LIMS1: variants seen among roughly 807,000 people sequenced by gnomAD.
The protein encoded by LIMS1 is LIM and senescent cell antigen-like-containing domain protein 1.
In LIMS1, 18 loss-of-function variants were observed where a neutral mutation model predicts 44.1. That is an observed-to-expected ratio of 0.41 (90% CI 0.28 to 0.61). LIMS1 has a LOEUF of 0.61. Among genes scored for constraint, LIMS1 ranks in the 20% least tolerant of loss-of-function variants. LIMS1 has a pLI of 0.32. For missense variants in LIMS1, 201 were observed against 422.0 expected, an observed-to-expected ratio of 0.48 and a Z score of 4.59; for synonymous variants, 93 against 149.1, an observed-to-expected ratio of 0.62 and a Z score of 2.74.
At chr2:108,675,356 T>C (rs1253960643) in intron 5 of LIMS1, among the ~76,000 whole-genome samples, 9 of 152,064 alleles carry the variant, frequency 5.9e-5, no homozygotes, top group Non-Finnish European at 4.4e-5. Flanking sequence ...GGAAGGAGGC[T>C]GAACTCGTCC....
At chr2:108,545,225 A>G (rs1349488546) in intron 1 of LIMS1, among the ~76,000 whole-genome samples, 1 of 152,154 alleles carries the variant, frequency 6.6e-6, no homozygotes, top group Admixed American at 6.5e-5. Flanking sequence ...TTACCAGCTT[A>G]TATCCTCAGG....
At chr2:108,567,675 G>T (rs1037919550) in intron 1 of LIMS1, among the ~76,000 whole-genome samples, 1 of 152,090 alleles carries the variant, frequency 6.6e-6, no homozygotes, top group African/African-American at 2.4e-5. Context: ...GGGTTCAAGC[G>T]ATTCTCCTGC....
intron 2 of LIMS1, among the ~76,000 whole-genome samples, chr2:108,661,516 T>A (rs1691368334): frequency 1.3e-5 from 2 of 152,078 alleles, no homozygotes; most frequent in East Asian, 3.9e-4. Flanking sequence ...GAGAGGCCAA[T>A]GTACCACAGC....
At chr2:108,625,594 A>T (rs972554855) in intron 1 of LIMS1, among the ~76,000 whole-genome samples, 4 of 145,698 alleles carry the variant, frequency 2.7e-5, no homozygotes, top group Non-Finnish European at 6.1e-5. Flanking sequence ...CCCCAAAAAA[A>T]TGCAGTTTGA....
chr2:108,650,312 CAT>C (rs1490557632), intron 1 of LIMS1, among the ~76,000 whole-genome samples: 5 of 152,258 alleles, frequency 3.3e-5, no homozygotes, highest in South Asian at 2.1e-4. Context: ...GAAAAAATAA[CAT>C]ATTTCTTTTA....
intron 5 of LIMS1, among the ~76,000 whole-genome samples, chr2:108,675,321 G>A (rs1692459082): frequency 6.6e-6 from 1 of 151,842 alleles, no homozygotes; most frequent in Non-Finnish European, 1.5e-5. Context: ...CATGGTGGGG[G>A]AAGAGGAGGG....
chr2:108,565,856 G>C (rs180934624), intron 1 of LIMS1, among the ~76,000 whole-genome samples: 186 of 152,280 alleles, frequency 1.2e-3, no homozygotes, highest in African/African-American at 4.4e-3. Context: ...ATGACAGGAG[G>C]TGACAAAAGG....
intron 1 of LIMS1, among the ~76,000 whole-genome samples, chr2:108,569,554 T>C (rs1479532353): frequency 1.3e-5 from 2 of 152,142 alleles, no homozygotes; most frequent in East Asian, 3.8e-4. Context: ...TTTCCTAGCA[T>C]CATTTGTTGA....
At chr2:108,673,802 T>C (rs1226676852) in intron 5 of LIMS1, 2 of 152,252 alleles carry the variant, frequency 1.3e-5, no homozygotes, top group Non-Finnish European at 2.9e-5. Flanking sequence ...GTCATCACTA[T>C]GTTTTTCCAA....
At chr2:108,630,209 A>G (rs1688827108) in intron 1 of LIMS1, among the ~76,000 whole-genome samples, 2 of 143,070 alleles carry the variant, frequency 1.4e-5, no homozygotes, top group Non-Finnish European at 3.1e-5. Context: ...AAAAAAAAAA[A>G]AAAAAAGAAA....
chr2:108,589,378 A>G (rs183198169), intron 1 of LIMS1, among the ~76,000 whole-genome samples: 2 of 152,342 alleles, frequency 1.3e-5, no homozygotes, highest in East Asian at 3.9e-4. Flanking sequence ...TTTGAGATAT[A>G]CAATACAGTA....
At chr2:108,580,213 T>C (rs970217476) in intron 1 of LIMS1, among the ~76,000 whole-genome samples, 3 of 152,202 alleles carry the variant, frequency 2.0e-5, no homozygotes, top group Non-Finnish European at 4.4e-5. Flanking sequence ...ACTTGTGGGA[T>C]GTCTCTATAG....
intron 1 of LIMS1, among the ~76,000 whole-genome samples, chr2:108,604,297 A>T (rs1240967646): frequency 6.6e-6 from 1 of 152,238 alleles, no homozygotes; most frequent in Non-Finnish European, 1.5e-5. Flanking sequence ...GTTCATAACT[A>T]AAGTTTTCTT....
chr2:108,556,933 A>G (rs943272463), intron 1 of LIMS1, among the ~76,000 whole-genome samples: 1 of 152,218 alleles, frequency 6.6e-6, no homozygotes, highest in African/African-American at 2.4e-5. Flanking sequence ...GTAGAAGCTC[A>G]GGGCTGCCTT....
chr2:108,534,519 G>T (rs905775476), exon 1 of LIMS1: 52 of 1,195,110 alleles, frequency 4.4e-5, no homozygotes, highest in Non-Finnish European at 4.9e-5. Context: ...GAGCGGCGCC[G>T]GGAGACGAGG....
In LIMS1 at chr2:108,673,116, A is replaced by G. The variant is rs1327398148; in HGVS notation, c.530+87A>G. The G allele has an allele frequency of 1.0e-5, 15 of 1,462,214 alleles. No individual in the cohort carries two copies. The Admixed American group carries it at 1.4e-4, about 13-fold the overall frequency. The allele number at this position is 1,462,214 out of a possible 1,614,324, so 90.6% of individuals were successfully genotyped here. A position where few individuals can be genotyped will look rare whatever the true frequency, so the allele number is the denominator to read the frequency against. ...TATTTCTGTTACTCTAGCAAACCAA[A>G]TTGTTTTTCTCCAATTTTTAGTCTA... On this transcript the variant is annotated intron_variant, in intron 5 of 9. Transcript: ENST00000544547.
chr2:108,633,745 C>T (rs1207927784), intron 1 of LIMS1, among the ~76,000 whole-genome samples: 1 of 152,268 alleles, frequency 6.6e-6, no homozygotes, highest in East Asian at 1.9e-4. Context: ...AAATCCCTGG[C>T]GACAGTGCTG....
intron 1 of LIMS1, among the ~76,000 whole-genome samples, chr2:108,643,008 T>C (rs1301593945): frequency 6.6e-6 from 1 of 152,152 alleles, no homozygotes; most frequent in East Asian, 1.9e-4. Flanking sequence ...AATCATTCCA[T>C]AAGTGAAACA....
At chr2:108,667,537 T>TAAAA (rs1558837614) in intron 2 of LIMS1, among the ~76,000 whole-genome samples, 3 of 39,696 alleles carry the variant, frequency 7.6e-5, no homozygotes, top group Non-Finnish European at 1.0e-4. Flanking sequence ...TCAACCTTTT[T>TAAAA]TAAAAAAAAA....
Sources: gnomAD v4.1 joint callset for allele counts (sites outside exome capture counted in the v4.1 genomes callset) on GRCh38, gnomAD v4.1.1 for gene constraint, MANE v1.5 for transcripts, NCBI Gene and HGNC (gene_info 2026-07-23, HGNC 2026-07-21) for gene names.